Variants in OSGEPL1 observed in about 807,000 individuals in gnomAD.
OSGEPL1 encodes O-sialoglycoprotein endopeptidase like 1.
A neutral mutation model predicts 37.2 loss-of-function variants in OSGEPL1; 26 were observed. The ratio of observed to expected loss-of-function variants is 0.70; its 90% CI spans 0.51 to 0.97. OSGEPL1 has a LOEUF of 0.97. Among genes scored for constraint, OSGEPL1 ranks in the 50% least tolerant of loss-of-function variants. The probability of loss-of-function intolerance (pLI) is 0.00; values close to 1 mark genes in which losing one functional copy is unlikely to be tolerated. For synonymous variants in OSGEPL1, 140 were observed against 159.9 expected (o/e 0.88, Z 0.94); for missense variants, 404 against 487.0 (o/e 0.83, Z 1.60).
rs1219351820 is a variant in OSGEPL1, at chr2:189,746,887, C to T, written c.*310G>A. ...TTATTGACTGACATGAGTGGTATAACTAGTGTATATATCAAGAGTTAACAT... is the reference window on the plus strand; with the variant it reads ...TTATTGACTGACATGAGTGGTATAATTAGTGTATATATCAAGAGTTAACAT... On this transcript the variant is annotated 3_prime_UTR_variant, in exon 9 of 9. Coordinates refer to ENST00000264151, the MANE Select transcript of OSGEPL1 (RefSeq NM_022353.3). The T allele has an allele frequency of 1.1e-5, 3 of 275,658 alleles. No homozygotes were observed. Among genetic ancestry groups the T allele is most frequent in the African/African-American group, 6.7e-5 (3 of 44,486 alleles). 17.1% of individuals were successfully genotyped at this position (275,658 alleles called of 1,614,324 possible).
chr2:189,747,234 G>A (rs1300787071), intron 8 of OSGEPL1, 66 bp from the exon 9 acceptor site: 1 of 151,636 alleles, frequency 6.6e-6, no homozygotes, highest in Non-Finnish European at 1.5e-5. Flanking sequence ...GGCTATTCAA[G>A]AGGCTAAGGC....
Position 189,752,850 on chromosome 2 carries a change from A to G in OSGEPL1, c.1093T>C (p.Trp365Arg). 6.2e-7 allele frequency: 1 copy of G among 1,613,702 alleles called. No individual in the cohort carries two copies. Among genetic ancestry groups the G allele is most frequent in the East Asian group, 2.2e-5 (1 of 44,870 alleles). Residue 365 changes from tryptophan to arginine, a missense_variant and splice_region_variant, in exon 6 of 9, where the codon TGG becomes CGG. By Grantham distance (101) the Trp-to-Arg change is moderately radical (BLOSUM62 -3). Transcript: ENST00000264151. The stretch of plus-strand genomic sequence containing the variant: ...AAGCACGTATATCCTGTGGCTTACC[A>G]TGCAATCATAATGCCATTATCAGTG... ...LCTDNGIMIA[W>R]NGIERLRAGL...
At chr2:189,751,092 C>T (rs1232843879) in intron 7 of OSGEPL1, among the ~76,000 whole-genome samples, 1 of 152,276 alleles carries the variant, frequency 6.6e-6, no homozygotes, top group Admixed American at 6.5e-5. Context: ...CTGCCTTGCC[C>T]CTTTTCTACC....
intron 2 of OSGEPL1, among the ~76,000 whole-genome samples, chr2:189,760,422 C>T (rs922384005): frequency 6.6e-6 from 1 of 152,118 alleles, no homozygotes. Context: ...TGGGCGGGGG[C>T]GCCCCCCACC....
chr2:189,760,458 A>G (rs2046869815), intron 2 of OSGEPL1, among the ~76,000 whole-genome samples: 1 of 152,208 alleles, frequency 6.6e-6, no homozygotes, highest in Non-Finnish European at 1.5e-5. Context: ...AATATATTCT[A>G]AATTAGCTAC....
At chr2:189,747,745 T>C (rs1290553215) in intron 8 of OSGEPL1, among the ~76,000 whole-genome samples, 2 of 151,964 alleles carry the variant, frequency 1.3e-5, no homozygotes, top group African/African-American at 4.8e-5. Flanking sequence ...CAGGCTGGAG[T>C]GCAGTGGCAG....
chr2:189,756,153 T>G (rs1000591391), intron 2 of OSGEPL1, among the ~76,000 whole-genome samples: 8 of 152,202 alleles, frequency 5.3e-5, no homozygotes, highest in Non-Finnish European at 1.2e-4. Context: ...ACGAGTTTAT[T>G]TTAAAACACA....
intron 7 of OSGEPL1, among the ~76,000 whole-genome samples, chr2:189,752,358 A>G (rs1251265027): frequency 6.6e-6 from 1 of 152,166 alleles, no homozygotes; most frequent in African/African-American, 2.4e-5. Flanking sequence ...TTGACATTGC[A>G]AAAGTCCAGG....
In OSGEPL1 at chr2:189,755,513, T is replaced by C. The variant is rs1260744202; in HGVS notation, c.269A>G (p.Asn90Ser). The C allele has an allele frequency of 6.2e-7, 1 of 1,602,874 alleles. No homozygotes were observed. Among genetic ancestry groups the C allele is most frequent in the Non-Finnish European group, 8.5e-7 (1 of 1,177,148 alleles). ...AGCTTCTTGTACTATTCGTTGAATA[T>C]TTTCTCTGTGAAGCTGTTGAGCTGC... ...PPAAQQLHRE[N>S]IQRIVQEALS... Residue 90 changes from asparagine to serine, a missense_variant, in exon 3 of 9, where the codon AAT becomes AGT. Coordinates refer to ENST00000264151, the MANE Select transcript of OSGEPL1 (RefSeq NM_022353.3).
At chr2:189,756,006 C>T (rs2046023886) in intron 2 of OSGEPL1, among the ~76,000 whole-genome samples, 1 of 152,060 alleles carries the variant, frequency 6.6e-6, no homozygotes, top group Admixed American at 6.5e-5. Flanking sequence ...GACAGAGAAC[C>T]TTAAGAACTA....
chr2:189,747,403 GAAAAT>G (rs1251855972), intron 8 of OSGEPL1: 3 of 129,580 alleles, frequency 2.3e-5, no homozygotes, highest in South Asian at 2.5e-4. Context: ...AATTAAAAAA[GAAAAT>G]AAAACAAAAA....
At chr2:189,752,558 C>T (rs1375750149) in intron 7 of OSGEPL1, 95 bp downstream of exon 7, 1 of 1,164,084 alleles carries the variant, frequency 8.6e-7, no homozygotes, top group Non-Finnish European at 1.3e-6. Flanking sequence ...CAAGTACCAC[C>T]AGAATGTCAA....
chr2:189,762,771 G>A lies in OSGEPL1; in HGVS notation c.-107C>T, dbSNP rs2047319849. On this transcript the variant is annotated 5_prime_UTR_variant, in exon 1 of 9. Coordinates refer to ENST00000264151, the MANE Select transcript of OSGEPL1 (RefSeq NM_022353.3). The stretch of plus-strand genomic sequence containing the variant: ...CCCTTATCGCTGCAGGAGAAAGCCC[G>A]AACCTGGCGCCCGGAAGTGATGTCA... 11 of 985,350 alleles carry A rather than the reference G, an allele frequency of 1.1e-5. No homozygotes were observed. The South Asian group carries it at 4.7e-4, about 42-fold the overall frequency. 61.0% of individuals were successfully genotyped at this position (985,350 alleles called of 1,614,324 possible). A position where few individuals can be genotyped will look rare whatever the true frequency, so the allele number is the denominator to read the frequency against.
chr2:189,763,152 A>G, upstream of OSGEPL1: 3 of 985,206 alleles, frequency 3.0e-6, no homozygotes, highest in Non-Finnish European at 3.6e-6. Flanking sequence ...ATCTAAACTT[A>G]GGGGTGAGGT....
rs750438162 is a variant in OSGEPL1, at chr2:189,754,311, T to G, written c.644A>C (p.Glu215Ala). ...TTTCCCACCACTCATGGTGGAGCAC[T>G]CTGGATGTTTTATTAAAGAAAGTCT... ...ARRLSLIKHPECSTMSGGKAI... is the reference protein window; with the variant it reads ...ARRLSLIKHPACSTMSGGKAI... Residue 215 changes from glutamate (E) to alanine (A), a missense_variant, in exon 4 of 9, where the codon GAG becomes GCG. Coordinates refer to ENST00000264151, the MANE Select transcript of OSGEPL1 (RefSeq NM_022353.3). The G allele has an allele frequency of 6.2e-7, 1 of 1,610,880 alleles. No homozygotes were observed. Among genetic ancestry groups the G allele is most frequent in the East Asian group, 2.2e-5 (1 of 44,838 alleles).
Position 189,752,867 on chromosome 2 carries a change from T to C in OSGEPL1, c.1076A>G (p.Asn359Ser), listed in dbSNP as rs761853589. ...GGCTTACCATGCAATCATAATGCCA[T>C]TATCAGTGCATAGTCTGGGAGGAGG... The part of the protein sequence containing the change: ...LCPPPRLCTD[N>S]GIMIAWNGIE... Residue 359 changes from asparagine (N) to serine (S), a missense_variant, in exon 6 of 9, where the codon AAT becomes AGT. By Grantham distance (46) the Asn-to-Ser change is conservative. Transcript: ENST00000264151. 6.2e-7 allele frequency: 1 copy of C among 1,613,808 alleles called. No homozygotes were observed. The highest frequency in any genetic ancestry group is 8.5e-7 in the Non-Finnish European group (1 of 1,179,804).
intron 2 of OSGEPL1, among the ~76,000 whole-genome samples, chr2:189,759,868 C>G (rs776400187): frequency 6.6e-6 from 1 of 152,126 alleles, no homozygotes; most frequent in East Asian, 1.9e-4. Context: ...AACATGTGAA[C>G]AAAGGTCTCT....
chr2:189,759,921 A>G (rs1225113), intron 2 of OSGEPL1, among the ~76,000 whole-genome samples: 149,410 of 152,222 alleles, frequency 0.98, 73,385 homozygotes, highest in East Asian at 1. Flanking sequence ...TGCAGTGTTT[A>G]TGTCCCTGGG....
chr2:189,753,783 T>C (rs2045652576), intron 5 of OSGEPL1, 133 bp downstream of exon 5: 1 of 979,514 alleles, frequency 1.0e-6, no homozygotes. Flanking sequence ...TTTCCTATCC[T>C]GCATAATTTC....
Sources: allele counts gnomAD v4.1 joint callset (sites outside exome capture counted in the v4.1 genomes callset), GRCh38; gene constraint gnomAD v4.1.1; transcripts MANE v1.5; gene names NCBI Gene and HGNC (gene_info 2026-07-23, HGNC 2026-07-21).